The following CEP112 variants were observed in gnomAD, a reference collection of about 807,000 sequenced individuals.
CEP112 encodes the protein centrosomal protein 112.
In CEP112, 127 loss-of-function variants were observed where a neutral mutation model predicts 153.0. The observed-to-expected ratio is 0.83, with a 90% CI of 0.72 to 0.96. CEP112 has a LOEUF of 0.96. Ranked by LOEUF, CEP112 falls within the 40% of genes least tolerant of loss-of-function variation. CEP112 has a pLI of 0.00. For synonymous variants in CEP112, 358 were observed against 374.4 expected (o/e 0.96, Z 0.51); for missense variants, 1,089 against 1,101.2 (o/e 0.99, Z 0.16).
intron 17 of CEP112, among the ~76,000 whole-genome samples, chr17:65,964,295 T>C (rs774532429): frequency 9.9e-5 from 15 of 152,272 alleles, no homozygotes; most frequent in Middle Eastern, 6.8e-3. Flanking sequence ...TCAAAGATAA[T>C]GGTGATTAAT....
intron 17 of CEP112, among the ~76,000 whole-genome samples, chr17:65,980,141 G>A (rs989103200): frequency 1.4e-4 from 21 of 152,192 alleles, no homozygotes; most frequent in African/African-American, 4.3e-4. Context: ...CCATTGGGGC[G>A]TTTTCATTTT....
intron 18 of CEP112, among the ~76,000 whole-genome samples, chr17:65,956,592 G>A (rs1392233713): frequency 6.8e-6 from 1 of 146,570 alleles, no homozygotes; most frequent in African/African-American, 2.5e-5. Flanking sequence ...AAACACATAA[G>A]AATGATACAA....
At chr17:66,169,708 A>G (rs2072163255) in intron 4 of CEP112, among the ~76,000 whole-genome samples, 1 of 152,194 alleles carries the variant, frequency 6.6e-6, no homozygotes, top group African/African-American at 2.4e-5. Flanking sequence ...TTTTTACTCT[A>G]AATATTTCTA....
chr17:65,931,758 C>T (rs1413962512), intron 18 of CEP112, among the ~76,000 whole-genome samples: 1 of 152,222 alleles, frequency 6.6e-6, no homozygotes, highest in Admixed American at 6.5e-5. Context: ...GAGGCAAGCC[C>T]AGATCCCTGC....
intron 17 of CEP112, among the ~76,000 whole-genome samples, chr17:65,992,510 C>G (rs1401391570): frequency 6.6e-6 from 1 of 152,130 alleles, no homozygotes; most frequent in Non-Finnish European, 1.5e-5. Context: ...CCTTTGGTCT[C>G]AAACTGACTG....
intron 17 of CEP112, among the ~76,000 whole-genome samples, chr17:65,978,222 C>G (rs1236769376): frequency 6.6e-6 from 1 of 151,436 alleles, no homozygotes; most frequent in Non-Finnish European, 1.5e-5. Flanking sequence ...TGCCACTACA[C>G]TCCAGCCTGG....
chr17:66,187,714 G>A (rs1356571044), intron 1 of CEP112, among the ~76,000 whole-genome samples: 2 of 152,056 alleles, frequency 1.3e-5, no homozygotes, highest in Non-Finnish European at 2.9e-5. Flanking sequence ...TCAAGTATTC[G>A]TTTCATGCCA....
At chr17:66,180,354 T>C (rs2072669273) in intron 2 of CEP112, among the ~76,000 whole-genome samples, 1 of 152,092 alleles carries the variant, frequency 6.6e-6, no homozygotes. Flanking sequence ...ATAAATAAAA[T>C]TCTGTGATAA....
At chr17:65,703,875 C>T (rs1027626530) in intron 23 of CEP112, among the ~76,000 whole-genome samples, 3 of 151,422 alleles carry the variant, frequency 2.0e-5, no homozygotes, top group South Asian at 2.1e-4. Context: ...ATAATGATTC[C>T]GAAGGCTTCC....
In CEP112 at chr17:65,927,638, G is replaced by A; in HGVS notation, c.1924C>T (p.Gln642Ter). ...AGTTGCCATAAAAACTCCTTTGATT[G>A]TTTCTCACGAAGAGATTTGGATCTA... ...LTRSKSLREK[Q>*]SKEFLWQLED... Residue 642 changes from glutamine (Q) to a stop codon, truncating the protein, a stop_gained, in exon 19 of 27, where the codon CAA becomes TAA. Coordinates refer to ENST00000535342, the MANE Select transcript of CEP112 (RefSeq NM_001199165.4). LOFTEE classifies it high-confidence loss of function. The A allele has an allele frequency of 6.2e-7, 1 of 1,601,582 alleles. No homozygotes were observed. Among genetic ancestry groups the A allele is most frequent in the Non-Finnish European group, 8.5e-7 (1 of 1,176,302 alleles).
intron 16 of CEP112, among the ~76,000 whole-genome samples, chr17:66,022,509 C>T (rs2065037362): frequency 6.6e-6 from 1 of 151,786 alleles, no homozygotes; most frequent in Non-Finnish European, 1.5e-5. Context: ...GAGATCAAGA[C>T]CACCCTAGCT....
intron 21 of CEP112, among the ~76,000 whole-genome samples, chr17:65,807,269 G>A (rs1393663091): frequency 6.6e-6 from 1 of 152,176 alleles, no homozygotes; most frequent in Non-Finnish European, 1.5e-5. Context: ...GGATGTGATT[G>A]GCTGCTTCTA....
chr17:66,169,746 T>C (rs1009674099), intron 4 of CEP112, among the ~76,000 whole-genome samples: 2 of 152,304 alleles, frequency 1.3e-5, no homozygotes, highest in East Asian at 3.9e-4. Flanking sequence ...ACATGTATTA[T>C]ATATATAGAT....
At chr17:65,795,811 C>T (rs1039710548) in intron 21 of CEP112, among the ~76,000 whole-genome samples, 4 of 151,504 alleles carry the variant, frequency 2.6e-5, no homozygotes, top group Admixed American at 6.6e-5. Flanking sequence ...GGCTCTGTCT[C>T]GAAATAAATA....
intron 18 of CEP112, among the ~76,000 whole-genome samples, chr17:65,959,633 G>T (rs944701285): frequency 6.6e-6 from 1 of 152,198 alleles, no homozygotes; most frequent in African/African-American, 2.4e-5. Context: ...GGGTTCCTGT[G>T]GTTCCTGGCA....
At chr17:65,710,485 A>G (rs1469714887) in intron 23 of CEP112, among the ~76,000 whole-genome samples, 2 of 152,184 alleles carry the variant, frequency 1.3e-5, no homozygotes, top group Admixed American at 6.5e-5. Context: ...TGATATTTGT[A>G]TGCGTGTAAG....
At chr17:65,807,027 A>C (rs1158192848) in intron 21 of CEP112, among the ~76,000 whole-genome samples, 1 of 152,182 alleles carries the variant, frequency 6.6e-6, no homozygotes, top group Non-Finnish European at 1.5e-5. Flanking sequence ...GAGATTTGTT[A>C]AATGGTTTGA....
At chr17:66,092,240 A>G (rs2068165448) in intron 8 of CEP112, among the ~76,000 whole-genome samples, 1 of 151,810 alleles carries the variant, frequency 6.6e-6, no homozygotes, top group Non-Finnish European at 1.5e-5. Context: ...GGGTTTCACC[A>G]TGTTGGCAAG....
chr17:65,651,983 A>T (rs963899771), intron 24 of CEP112, among the ~76,000 whole-genome samples: 1 of 152,244 alleles, frequency 6.6e-6, no homozygotes, highest in African/African-American at 2.4e-5. Context: ...GATAACAGGC[A>T]TGAGCCACTG....
Sources: gnomAD v4.1 joint callset for allele counts (sites outside exome capture counted in the v4.1 genomes callset) on GRCh38, gnomAD v4.1.1 for gene constraint, MANE v1.5 for transcripts, NCBI Gene and HGNC (gene_info 2026-07-23, HGNC 2026-07-21) for gene names.